FHIT: variants seen among roughly 807,000 people sequenced by gnomAD.
FHIT encodes bis(5'-adenosyl)-triphosphatase.
Under a neutral mutation model 17.9 loss-of-function variants are expected in FHIT, and 19 were observed. That is an observed-to-expected ratio of 1.06 (90% CI 0.74 to 1.56). The LOEUF (loss-of-function observed/expected upper bound fraction) is 1.56. Ranked by LOEUF, FHIT falls within the 40% of genes most tolerant of loss-of-function variation. The pLI is 0.00. For synonymous variants in FHIT, 81 were observed against 69.7 expected (o/e 1.16, Z -0.81); for missense variants, 248 against 189.2 (o/e 1.31, Z -1.82).
chr3:60,856,201 C>T (rs535696682), intron 3 of FHIT, among the ~76,000 whole-genome samples: 1 of 152,068 alleles, frequency 6.6e-6, no homozygotes, highest in Non-Finnish European at 1.5e-5. Flanking sequence ...TCTTGCTAGA[C>T]AGAGGTGGGG....
At chr3:61,064,048 T>C (rs1032733930) in intron 2 of FHIT, among the ~76,000 whole-genome samples, 8 of 152,122 alleles carry the variant, frequency 5.3e-5, no homozygotes, top group African/African-American at 1.4e-4. Flanking sequence ...CCAGGGAAGA[T>C]AGGCCTTACT....
intron 4 of FHIT, among the ~76,000 whole-genome samples, chr3:60,727,481 C>T (rs549517968): frequency 6.6e-6 from 1 of 152,276 alleles, no homozygotes. Flanking sequence ...AGTGACTCCA[C>T]TGTGATGCTG....
intron 5 of FHIT, among the ~76,000 whole-genome samples, chr3:60,365,269 G>A (rs896031056): frequency 6.6e-6 from 1 of 151,710 alleles, no homozygotes; most frequent in African/African-American, 2.4e-5. Context: ...GCATATGGAG[G>A]AGAGGGAAGG....
At chr3:60,661,059 A>C (rs1268079529) in intron 4 of FHIT, among the ~76,000 whole-genome samples, 1 of 151,188 alleles carries the variant, frequency 6.6e-6, no homozygotes, top group African/African-American at 2.4e-5. Context: ...TTTTATTTTT[A>C]TTTTTTATTT....
intron 2 of FHIT, among the ~76,000 whole-genome samples, chr3:61,081,719 C>A (rs2035142691): frequency 6.6e-6 from 1 of 152,130 alleles, no homozygotes; most frequent in African/African-American, 2.4e-5. Flanking sequence ...ATGAGGACAC[C>A]ATTCACATTG....
At chr3:61,206,332 T>TTCCAATGAACTTTA (rs2039228899) in intron 1 of FHIT, among the ~76,000 whole-genome samples, 1 of 135,390 alleles carries the variant, frequency 7.4e-6, no homozygotes, top group South Asian at 2.6e-4. Context: ...AACTTTAAAG[T>TTCCAATGAACTTTA]AGTTTTTTCC....
intron 4 of FHIT, among the ~76,000 whole-genome samples, chr3:60,665,600 T>C (rs555396779): frequency 1.6e-4 from 25 of 152,094 alleles, no homozygotes; most frequent in African/African-American, 5.8e-4. Flanking sequence ...CTCCTGTTTT[T>C]TTAAAAATTA....
intron 5 of FHIT, among the ~76,000 whole-genome samples, chr3:60,145,402 C>T (rs771247453): frequency 6.6e-6 from 1 of 152,040 alleles, no homozygotes; most frequent in African/African-American, 2.4e-5. Flanking sequence ...CACATAATAG[C>T]CAGCAACAAA....
intron 5 of FHIT, among the ~76,000 whole-genome samples, chr3:60,114,037 ATATATATATATATATATATATAT>A (rs1285243017): frequency 3.2e-4 from 2 of 6,336 alleles, no homozygotes; most frequent in African/African-American, 7.9e-4. Context: ...AAAAAAAAAA[ATATATATATATATATATATATAT>A]ATATATATAT....
intron 5 of FHIT, among the ~76,000 whole-genome samples, chr3:60,310,331 T>C (rs898593295): frequency 2.0e-5 from 3 of 152,084 alleles, no homozygotes; most frequent in African/African-American, 7.2e-5. Context: ...TGGTGCTCTC[T>C]TAAAGAAACT....
chr3:60,482,695 T>G (rs1001580182), intron 5 of FHIT, among the ~76,000 whole-genome samples: 2 of 151,966 alleles, frequency 1.3e-5, no homozygotes, highest in African/African-American at 2.4e-5. Context: ...AGAGGAAAAT[T>G]TGTAGCACTA....
chr3:61,068,714 G>C (rs562390417), intron 2 of FHIT, among the ~76,000 whole-genome samples: 1 of 152,226 alleles, frequency 6.6e-6, no homozygotes, highest in Non-Finnish European at 1.5e-5. Context: ...TGATTCTGTG[G>C]TTAGGGAACA....
rs1289458953 is a variant in FHIT at position 60,375,805 on chromosome 3, C to A, written c.103+161055G>T. On this transcript the variant is annotated intron_variant, in intron 5 of 9. Coordinates refer to ENST00000492590, the MANE Select transcript of FHIT (RefSeq NM_002012.4). ...TTAATCAACTGTTCTGTAGAAAGAC[C>A]TTCCCAGATCCTATAGATGCAATGC... Among the ~76,000 whole-genome samples the A allele has an allele frequency of 2.0e-5, 3 of 151,966 alleles. No individual in the cohort carries two copies. The South Asian group carries it at 6.2e-4, about 32-fold the overall frequency.
intron 3 of FHIT, among the ~76,000 whole-genome samples, chr3:60,952,366 TC>T (rs565644957): frequency 5.5e-4 from 83 of 152,288 alleles, no homozygotes; most frequent in Non-Finnish European, 1.1e-3. Flanking sequence ...TATTTATTCA[TC>T]TTTTAACCGT....
At chr3:60,709,156 C>G (rs192076172) in intron 4 of FHIT, among the ~76,000 whole-genome samples, 1 of 152,244 alleles carries the variant, frequency 6.6e-6, no homozygotes, top group East Asian at 1.9e-4. Flanking sequence ...GAAATTAAAA[C>G]AGAAAACTTT....
At chr3:60,500,736 G>A (rs1011031477) in intron 5 of FHIT, among the ~76,000 whole-genome samples, 1 of 135,486 alleles carries the variant, frequency 7.4e-6, no homozygotes, top group Non-Finnish European at 1.5e-5. Flanking sequence ...TCACCCCACT[G>A]CACTCCAGCC....
chr3:59,836,104 A>G (rs924429919), intron 8 of FHIT, among the ~76,000 whole-genome samples: 17 of 152,142 alleles, frequency 1.1e-4, no homozygotes, highest in African/African-American at 4.1e-4. Context: ...CCTCCCCATG[A>G]GTTTACAAAG....
At chr3:60,202,277 G>A (rs1357277897) in intron 5 of FHIT, among the ~76,000 whole-genome samples, 3 of 152,188 alleles carry the variant, frequency 2.0e-5, no homozygotes, top group South Asian at 2.1e-4. Flanking sequence ...AGTAGCACTC[G>A]TTTCTGATTC....
At chr3:60,168,751 T>A (rs1160185010) in intron 5 of FHIT, among the ~76,000 whole-genome samples, 1 of 152,202 alleles carries the variant, frequency 6.6e-6, no homozygotes, top group Non-Finnish European at 1.5e-5. Flanking sequence ...CTGTAACTTG[T>A]CAATGGCACC....
Sources: gnomAD v4.1 joint callset for allele counts (sites outside exome capture counted in the v4.1 genomes callset) on GRCh38, gnomAD v4.1.1 for gene constraint, MANE v1.5 for transcripts, NCBI Gene and HGNC (gene_info 2026-07-23, HGNC 2026-07-21) for gene names.